The following CD96 variants were observed in gnomAD, a reference collection of about 807,000 sequenced individuals.
CD96 encodes T-cell surface protein tactile.
Under a neutral mutation model 71.3 loss-of-function variants are expected in CD96, and 70 were observed. The observed-to-expected ratio is 0.98, with a 90% confidence interval of 0.81 to 1.20. The LOEUF (loss-of-function observed/expected upper bound fraction) is 1.20. CD96 is among the 50% of genes most tolerant of loss of function. CD96 has a pLI of 0.00. For missense variants in CD96, 742 were observed against 677.5 expected (o/e 1.10, Z -1.06); for synonymous variants, 248 against 233.0 (o/e 1.06, Z -0.59).
rs1274839941 is a variant in CD96 at position 111,545,151 on chromosome 3, T to TG, written c.168dup (p.Gln57AlafsTer8). On this transcript the variant is annotated frameshift_variant, in exon 2 of 14. Coordinates refer to ENST00000352690, the MANE Select transcript of CD96 (RefSeq NM_005816.5). LOFTEE classifies it high-confidence loss of function. ...CAGACAGTAGGCTTCTTCGTGCAGA[T>TG]GCAATGGTCCAAGGTCACCAATAAG... The TG allele has an allele frequency of 1.9e-6, 3 of 1,614,208 alleles. No homozygotes were observed. Among genetic ancestry groups the TG allele is most frequent in the South Asian group, 1.1e-5 (1 of 91,084 alleles).
Position 111,577,045 on chromosome 3 carries a change from C to T in CD96, c.544-1982C>T, listed in dbSNP as rs570968444. ...AAACCCTTCTTTCTGCAAAAGTCAA[C>T]TGCCCAGGGGAAAAAAGCAACCTTT... On this transcript the variant is annotated intron_variant, in intron 3 of 13. Coordinates refer to ENST00000352690, the MANE Select transcript of CD96 (RefSeq NM_005816.5). Among the ~76,000 whole-genome samples, 111 of 152,294 alleles carry T rather than the reference C, an allele frequency of 7.3e-4. No individual in the cohort carries two copies. In the Middle Eastern group the frequency reaches 0.017, roughly 23 times the overall value.
intron 7 of CD96, among the ~76,000 whole-genome samples, chr3:111,605,628 T>C (rs1937602102): frequency 6.6e-6 from 1 of 152,198 alleles, no homozygotes; most frequent in Non-Finnish European, 1.5e-5. Flanking sequence ...CACAAAAGCA[T>C]TCATATAGTA....
At position 111,570,848 on chromosome 3, in the gene CD96, G is replaced by T. The variant is rs954395557; in HGVS notation, c.543+3201G>T. On this transcript the variant is annotated intron_variant, in intron 3 of 13. Transcript: ENST00000352690. ...GGGACCCCAGGCTTGTGGCTCCAGG[G>T]TGCAAGGGTCCTGACCGCTCTTCCA... 58 of 1,611,386 alleles carry T rather than the reference G, an allele frequency of 3.6e-5. No individual in the cohort carries two copies. The African/African-American group carries it at 6.5e-4, about 18-fold the overall frequency.
chr3:111,555,989 T>C (rs928102069), intron 2 of CD96, among the ~76,000 whole-genome samples: 3 of 152,300 alleles, frequency 2.0e-5, no homozygotes, highest in Non-Finnish European at 2.9e-5. Context: ...AGATAATTTA[T>C]ATTGAACAAT....
chr3:111,570,528 G>T, intron 3 of CD96: 1 of 1,033,982 alleles, frequency 9.7e-7, no homozygotes. Flanking sequence ...TGGGACGCAT[G>T]TGTGTTAACT....
In CD96 at chr3:111,637,255, C is replaced by T; in HGVS notation, c.1381C>T (p.Leu461Phe). 1 of 1,546,986 alleles carries T rather than the reference C, an allele frequency of 6.5e-7. No homozygotes were observed. Among genetic ancestry groups the T allele is most frequent in the Non-Finnish European group, 8.9e-7 (1 of 1,118,646 alleles). Residue 461 changes from leucine to phenylalanine, a missense_variant, in exon 11 of 14, where the codon CTT becomes TTT. Transcript: ENST00000352690. Reference protein sequence around the residue: ...SSSPSGAGSTLHDNVFTSTAR... With the variant: ...SSSPSGAGSTFHDNVFTSTAR... The stretch of plus-strand genomic sequence containing the variant: ...ATCCCCGTCAGGTGCAGGCTCAACA[C>T]TTCATGGTGAGTACTTGGGGAAGAT...
chr3:111,665,724 C>G (rs1226787871), exon 15 of CD96: 1 of 152,214 alleles, frequency 6.6e-6, no homozygotes, highest in Non-Finnish European at 1.5e-5. Context: ...AACCCTTGGG[C>G]AGTGTTTTTT....
chr3:111,619,346 C>G (rs2087638204), intron 8 of CD96, among the ~76,000 whole-genome samples: 1 of 152,192 alleles, frequency 6.6e-6, no homozygotes. Context: ...CATGTAACCT[C>G]ATGGCCATTT....
At chr3:111,568,733 C>T (rs1042135509) in intron 3 of CD96, among the ~76,000 whole-genome samples, 28 of 152,152 alleles carry the variant, frequency 1.8e-4, no homozygotes, top group African/African-American at 6.3e-4. Flanking sequence ...TCTCATAACA[C>T]GTAAACAAAA....
At chr3:111,585,005 C>A (rs1047014212) in intron 4 of CD96, among the ~76,000 whole-genome samples, 1 of 152,150 alleles carries the variant, frequency 6.6e-6, no homozygotes, top group South Asian at 2.1e-4. Flanking sequence ...TATTTAAAAG[C>A]TGTCTTCAAA....
intron 5 of CD96, chr3:111,593,026 A>G (rs1937067170): frequency 6.6e-6 from 1 of 152,358 alleles, no homozygotes; most frequent in African/African-American, 2.4e-5. Flanking sequence ...GCTGGGTCAC[A>G]CAGAACAAGC....
intron 14 of CD96, among the ~76,000 whole-genome samples, chr3:111,657,465 A>G (rs948404601): frequency 2.0e-5 from 3 of 151,764 alleles, no homozygotes; most frequent in African/African-American, 4.8e-5. Context: ...ATTTGACTAT[A>G]TATTTGACTA....
intron 10 of CD96, among the ~76,000 whole-genome samples, chr3:111,631,211 T>G (rs1459726787): frequency 6.6e-6 from 1 of 152,148 alleles, no homozygotes; most frequent in Non-Finnish European, 1.5e-5. Flanking sequence ...TGAACTATCT[T>G]TGTTTGCAGA....
downstream of CD96, among the ~76,000 whole-genome samples, chr3:111,655,278 A>G (rs1387260310): frequency 6.6e-6 from 1 of 152,214 alleles, no homozygotes; most frequent in Non-Finnish European, 1.5e-5. Context: ...CTTTTCCTGA[A>G]TACCTCTTTT....
rs1358028637 is a variant in CD96, at chr3:111,649,854, A to G, written c.*48A>G. 5.2e-6 allele frequency: 6 copies of G among 1,150,680 alleles called. No homozygotes were observed. The South Asian group carries it at 7.3e-5, about 14-fold the overall frequency. 71.3% of individuals were successfully genotyped at this position (1,150,680 alleles called of 1,614,324 possible). Reference sequence around the variant, plus strand: ...GCAGAACTCTGCTGGAATCCTATTGAGAAGGTAGACATTGTGCTTTATTAA... The same window carrying G: ...GCAGAACTCTGCTGGAATCCTATTGGGAAGGTAGACATTGTGCTTTATTAA... On this transcript the variant is annotated 3_prime_UTR_variant, in exon 14 of 14. Transcript: ENST00000352690.
chr3:111,622,667 G>T (rs907456384), intron 8 of CD96, among the ~76,000 whole-genome samples: 3 of 152,196 alleles, frequency 2.0e-5, no homozygotes, highest in African/African-American at 7.2e-5. Context: ...GAGGATGAAT[G>T]AACATACTGG....
At chr3:111,641,959 A>G (rs1158985944) in intron 12 of CD96, among the ~76,000 whole-genome samples, 2 of 152,212 alleles carry the variant, frequency 1.3e-5, no homozygotes, top group African/African-American at 4.8e-5. Flanking sequence ...AATGACAGTA[A>G]TGACACAACC....
intron 10 of CD96, chr3:111,635,011 TAG>T (rs893030097): frequency 3.9e-5 from 6 of 153,180 alleles, no homozygotes; most frequent in African/African-American, 1.4e-4. Context: ...CCCTAAATGA[TAG>T]AGTGGATAAG....
chr3:111,575,348 T>A (rs1337737174), intron 3 of CD96, among the ~76,000 whole-genome samples: 1 of 152,212 alleles, frequency 6.6e-6, no homozygotes, highest in African/African-American at 2.4e-5. Context: ...TAATACAACA[T>A]TTTTAAAAAT....
Sources: gnomAD v4.1 joint callset for allele counts (sites outside exome capture counted in the v4.1 genomes callset) on GRCh38, gnomAD v4.1.1 for gene constraint, MANE v1.5 for transcripts, NCBI Gene and HGNC (gene_info 2026-07-23, HGNC 2026-07-21) for gene names.